PCDHGB4: variants seen among roughly 807,000 people sequenced by gnomAD.
The protein encoded by PCDHGB4 is protocadherin gamma subfamily B, 4.
A neutral mutation model predicts 60.5 loss-of-function variants in PCDHGB4; 38 were observed. The ratio of observed to expected loss-of-function variants is 0.63; its 90% CI spans 0.48 to 0.82. PCDHGB4 has a LOEUF of 0.82. PCDHGB4 is among the 40% of genes least tolerant of loss of function. The probability of loss-of-function intolerance (pLI) is 0.00; values close to 1 mark genes in which losing one functional copy is unlikely to be tolerated. For missense variants in PCDHGB4, 1,109 were observed against 1,209.6 expected, an observed-to-expected ratio of 0.92 and a Z score of 1.23; for synonymous variants, 456 against 509.7, an observed-to-expected ratio of 0.89 and a Z score of 1.42.
intron 1 of PCDHGB4, chr5:141,403,389 C>T (rs764725441): frequency 1.2e-6 from 2 of 1,614,050 alleles, no homozygotes; most frequent in South Asian, 1.1e-5. Context: ...AACGAAATCG[C>T]GGTTCCTGGA....
intron 1 of PCDHGB4, among the ~76,000 whole-genome samples, chr5:141,434,245 T>G (rs921135977): frequency 3.3e-5 from 5 of 152,224 alleles, no homozygotes; most frequent in African/African-American, 1.2e-4. Context: ...CTAGATGACT[T>G]GGGCATTGTG....
chr5:141,440,035 C>T, intron 1 of PCDHGB4: 1 of 153,140 alleles, frequency 6.5e-6, no homozygotes, highest in East Asian at 1.9e-4. Flanking sequence ...GTGTCGAGGA[C>T]ATGCCCACTT....
rs1266016569 is a variant in PCDHGB4 at position 141,389,582 on chromosome 5, T to G, written c.1698T>G (p.Gly566=). ...CACGGGTGCTGTACCCCGCGCTGGG[T>G]CCCGACGGCTCTGCGCTCTTCGATA... The part of the protein sequence containing the change: ...NAPRVLYPAL[G]PDGSALFDMV... The change falls in exon 1 of 4, where the codon GGT becomes GGG. Residue 566 remains glycine, a synonymous_variant. Coordinates refer to ENST00000519479, the MANE Select transcript of PCDHGB4 (RefSeq NM_003736.4). 7 of 1,613,028 alleles carry G rather than the reference T, an allele frequency of 4.3e-6. No homozygotes were observed. Among genetic ancestry groups the G allele is most frequent in the Non-Finnish European group, 5.1e-6 (6 of 1,179,780 alleles).
Position 141,457,874 on chromosome 5 carries a change from G to A in PCDHGB4, c.2398-36933G>A, listed in dbSNP as rs1592531610. Among the ~76,000 whole-genome samples, 7 of 152,320 alleles carry A rather than the reference G, an allele frequency of 4.6e-5. No homozygotes were observed. In the South Asian group the frequency reaches 1.5e-3, roughly 32 times the overall value. On this transcript the variant is annotated intron_variant, in intron 1 of 3. Transcript: ENST00000519479. ...ACATTCTTCACTGACCACAGGTTAGGAACCCTGTGTGGGGACTGTGTAGAC... is the reference window on the plus strand; with the variant it reads ...ACATTCTTCACTGACCACAGGTTAGAAACCCTGTGTGGGGACTGTGTAGAC...
intron 1 of PCDHGB4, chr5:141,415,493 T>C (rs1312874620): frequency 6.2e-7 from 1 of 1,614,108 alleles, no homozygotes; most frequent in Non-Finnish European, 8.5e-7. Context: ...AGTCACCTGA[T>C]CTTCCCCCAG....
intron 1 of PCDHGB4, chr5:141,396,067 T>C (rs924469652): frequency 6.6e-6 from 1 of 152,222 alleles, no homozygotes; most frequent in African/African-American, 2.4e-5. Context: ...GCTGTTTCGG[T>C]TGTGCATTGA....
intron 1 of PCDHGB4, chr5:141,418,539 A>C (rs984639830): frequency 6.2e-7 from 1 of 1,614,034 alleles, no homozygotes; most frequent in East Asian, 2.2e-5. Flanking sequence ...GGTACTGCTC[A>C]GATAAGAATC....
Position 141,490,046 on chromosome 5 carries a change from C to A in PCDHGB4, c.2398-4761C>A, listed in dbSNP as rs2099695274. ...CTGCTCCGCCTCAATGCCACTGATC[C>A]AGACGAGGGCACCAACGGCCAACTA... On this transcript the variant is annotated intron_variant, in intron 1 of 3. Transcript: ENST00000519479. This position sits in a 1 kb window ranked among gnomAD's most constrained non-coding sequence, Gnocchi z 5.4. 1 of 1,614,094 alleles carries A rather than the reference C, an allele frequency of 6.2e-7. No individual in the cohort carries two copies.
At chr5:141,467,628 C>G (rs181245841) in intron 1 of PCDHGB4, among the ~76,000 whole-genome samples, 49 of 152,224 alleles carry the variant, frequency 3.2e-4, no homozygotes, top group African/African-American at 1.1e-3. Context: ...TTTGAGATAG[C>G]ATCTTTATCA....
At chr5:141,437,016 T>G (rs1025489534) in intron 1 of PCDHGB4, among the ~76,000 whole-genome samples, 1 of 152,254 alleles carries the variant, frequency 6.6e-6, no homozygotes, top group Non-Finnish European at 1.5e-5. Flanking sequence ...TTAGATAATT[T>G]CACCAGAAAA....
At chr5:141,434,070 T>C (rs1004240895) in intron 1 of PCDHGB4, among the ~76,000 whole-genome samples, 3 of 152,226 alleles carry the variant, frequency 2.0e-5, no homozygotes, top group Non-Finnish European at 2.9e-5. Context: ...TCTGTTAATA[T>C]CAATTATTTA....
At chr5:141,418,687 G>T (rs758554600) in intron 1 of PCDHGB4, 1 of 1,613,928 alleles carries the variant, frequency 6.2e-7, no homozygotes, top group African/African-American at 1.3e-5. Context: ...TCAACTCAGA[G>T]ATCACTTATT....
chr5:141,433,204 C>T, intron 1 of PCDHGB4: 6 of 1,566,938 alleles, frequency 3.8e-6, no homozygotes, highest in Admixed American at 2.0e-5. Flanking sequence ...ATCAAATCTT[C>T]TTTCTTTTTT....
chr5:141,491,136 G>A lies in PCDHGB4; in HGVS notation c.2398-3671G>A, dbSNP rs769904518. On this transcript the variant is annotated intron_variant, in intron 1 of 3. Coordinates refer to ENST00000519479, the MANE Select transcript of PCDHGB4 (RefSeq NM_003736.4). This position sits in a 1 kb window ranked among gnomAD's most constrained non-coding sequence, Gnocchi z 6.9. ...ACACTGGTGAGGTGCGCACAGCCCG[G>A]GCCTTACTGGAGGATGACTCTGACA... The A allele has an allele frequency of 2.4e-5, 38 of 1,614,030 alleles. 1 individual carries two copies. The South Asian group carries it at 4.1e-4, about 17-fold the overall frequency.
rs144613597 is a variant in PCDHGB4, at chr5:141,483,029, G to A, written c.2398-11778G>A. 3.9e-3 allele frequency among the ~76,000 whole-genome samples: 588 copies of A among 152,220 alleles called. 6 individuals are homozygous for A. Among genetic ancestry groups the A allele is most frequent in the Admixed American group, 0.011 (169 of 15,280 alleles). ...GAACCCGGGAGGCAGAGGTTGCAAT[G>A]AGCTGGTGTCAGGCCACTGCACTCC... On this transcript the variant is annotated intron_variant, in intron 1 of 3. Transcript: ENST00000519479.
chr5:141,392,801 C>A, intron 1 of PCDHGB4: 1 of 1,570,660 alleles, frequency 6.4e-7, no homozygotes, highest in Admixed American at 1.9e-5. Flanking sequence ...GAGGATTCTG[C>A]AGCAAAACAA....
intron 1 of PCDHGB4, among the ~76,000 whole-genome samples, chr5:141,439,251 A>G (rs1467023466): frequency 6.6e-6 from 1 of 152,112 alleles, no homozygotes; most frequent in Non-Finnish European, 1.5e-5. Context: ...ATTTCAGCTG[A>G]AGATTCAGCC....
chr5:141,446,757 G>A (rs769049265), intron 1 of PCDHGB4, among the ~76,000 whole-genome samples: 10 of 152,158 alleles, frequency 6.6e-5, no homozygotes, highest in African/African-American at 1.4e-4. Context: ...GTGAGCCACC[G>A]CGCCCAGCCG....
At chr5:141,502,404 C>A (rs1270930372) in intron 2 of PCDHGB4, among the ~76,000 whole-genome samples, 1 of 151,880 alleles carries the variant, frequency 6.6e-6, no homozygotes, top group Non-Finnish European at 1.5e-5. Flanking sequence ...TGTCCCCGAA[C>A]CTGGATTTGC....
Sources: gnomAD v4.1 joint callset for allele counts (sites outside exome capture counted in the v4.1 genomes callset) on GRCh38, gnomAD v4.1.1 for gene constraint, Gnocchi (gnomAD v3.1) non-coding constraint, MANE v1.5 for transcripts, NCBI Gene and HGNC (gene_info 2026-07-23, HGNC 2026-07-21) for gene names.